Variants in EVA1A observed in about 807,000 individuals in gnomAD.
EVA1A encodes the protein eva-1 homolog A, regulator of programmed cell death, also known as protein eva-1 homolog A.
A neutral mutation model predicts 9.8 loss-of-function variants in EVA1A; 7 were observed. That is an observed-to-expected ratio of 0.71 (90% CI 0.41 to 1.34). The LOEUF is 1.34. Among genes scored for constraint, EVA1A ranks in the 40% most tolerant of loss-of-function variants. The pLI, the probability that EVA1A is intolerant of heterozygous loss-of-function variation, is 0.01. For missense variants in EVA1A, 206 were observed against 205.9 expected, an observed-to-expected ratio of 1.00 and a Z score of 0.00; for synonymous variants, 90 against 85.6, an observed-to-expected ratio of 1.05 and a Z score of -0.28.
intron 3 of EVA1A, among the ~76,000 whole-genome samples, chr2:75,511,165 T>G (rs777314866): frequency 6.6e-6 from 1 of 152,248 alleles, no homozygotes; most frequent in Non-Finnish European, 1.5e-5. Context: ...AAAACACTGC[T>G]GCAGGGGCTT....
At chr2:75,519,906 T>C (rs991561372) in intron 2 of EVA1A, among the ~76,000 whole-genome samples, 4 of 152,216 alleles carry the variant, frequency 2.6e-5, no homozygotes, top group South Asian at 2.1e-4. Context: ...GTCTTTCTGA[T>C]GATACCTCCT....
At chr2:75,569,243 A>C (rs979536427) in intron 1 of EVA1A, among the ~76,000 whole-genome samples, 6 of 152,104 alleles carry the variant, frequency 3.9e-5, no homozygotes, top group African/African-American at 1.4e-4. Context: ...AACTTCTCAA[A>C]TAAATGGTAT....
intron 3 of EVA1A, among the ~76,000 whole-genome samples, chr2:75,505,056 C>T (rs1249669466): frequency 6.6e-6 from 1 of 152,198 alleles, no homozygotes; most frequent in Non-Finnish European, 1.5e-5. Context: ...CCTCCCAATC[C>T]ACTGGCTCAC....
chr2:75,557,061 C>T (rs962290123), intron 1 of EVA1A, among the ~76,000 whole-genome samples: 5 of 152,186 alleles, frequency 3.3e-5, no homozygotes, highest in Admixed American at 6.5e-5. Context: ...CAAGGCTTTA[C>T]ACATGCCAGG....
intron 1 of EVA1A, among the ~76,000 whole-genome samples, chr2:75,538,803 A>G (rs916302018): frequency 6.6e-6 from 1 of 152,256 alleles, no homozygotes; most frequent in African/African-American, 2.4e-5. Context: ...AATTATAGAA[A>G]TAGGGAATAA....
chr2:75,545,596 G>A (rs1012543909), intron 1 of EVA1A, among the ~76,000 whole-genome samples: 6 of 152,114 alleles, frequency 3.9e-5, no homozygotes, highest in Non-Finnish European at 7.4e-5. Context: ...TTCTGGACTT[G>A]TGGTAGAGAA....
intron 1 of EVA1A, among the ~76,000 whole-genome samples, chr2:75,556,625 T>C (rs1428336105): frequency 1.3e-5 from 2 of 152,220 alleles, no homozygotes; most frequent in Non-Finnish European, 2.9e-5. Context: ...AGTACGAGTC[T>C]GGTGTGGGAA....
chr2:75,544,900 T>C (rs997458377), intron 1 of EVA1A, among the ~76,000 whole-genome samples: 17 of 152,368 alleles, frequency 1.1e-4, no homozygotes, highest in African/African-American at 4.1e-4. Context: ...AATATCTAGC[T>C]GTTGCATGTT....
chr2:75,537,680 T>G (rs1290763673), intron 1 of EVA1A, among the ~76,000 whole-genome samples: 1 of 152,230 alleles, frequency 6.6e-6, no homozygotes, highest in South Asian at 2.1e-4. Context: ...GTTTGGGTCA[T>G]GGAGATGGAT....
intron 2 of EVA1A, among the ~76,000 whole-genome samples, chr2:75,521,654 G>A (rs1675232489): frequency 6.6e-6 from 1 of 152,208 alleles, no homozygotes; most frequent in Admixed American, 6.5e-5. Flanking sequence ...GCGGTTGTCA[G>A]GAACAGGAGC....
chr2:75,523,823 A>G (rs1032194245), intron 1 of EVA1A, among the ~76,000 whole-genome samples: 7 of 152,218 alleles, frequency 4.6e-5, no homozygotes, highest in Non-Finnish European at 1.0e-4. Flanking sequence ...AATGACTCAC[A>G]CTGAGAAATC....
At chr2:75,566,433 C>T (rs937519961) in intron 1 of EVA1A, among the ~76,000 whole-genome samples, 5 of 152,194 alleles carry the variant, frequency 3.3e-5, no homozygotes, top group South Asian at 2.1e-4. Flanking sequence ...ACACGTCAGT[C>T]GTTCAAAAGA....
intron 1 of EVA1A, among the ~76,000 whole-genome samples, chr2:75,536,526 G>GA (rs1273791407): frequency 4.6e-5 from 7 of 151,442 alleles, no homozygotes; most frequent in South Asian, 2.1e-4. Flanking sequence ...GAGGGTCTTT[G>GA]AAAAAAAATC....
chr2:75,561,493 G>T, upstream of EVA1A, among the ~76,000 whole-genome samples: 1 of 151,750 alleles, frequency 6.6e-6, no homozygotes, highest in East Asian at 1.9e-4. Context: ...CTCTTTCAGG[G>T]TTGGGGTTTT....
intron 3 of EVA1A, among the ~76,000 whole-genome samples, chr2:75,508,014 A>C (rs1025158769): frequency 6.6e-6 from 1 of 152,340 alleles, no homozygotes; most frequent in African/African-American, 2.4e-5. Flanking sequence ...ATCTCTAAAC[A>C]TAAATTGTGA....
In EVA1A at chr2:75,542,694, G is replaced by A. The variant is rs192359782; in HGVS notation, c.-192+17986C>T. ...TGCCACTCTTTCGCACTGAGTAAAAGTATGTGCATTTCATATGTTTCCATT... is the reference window on the plus strand; with the variant it reads ...TGCCACTCTTTCGCACTGAGTAAAAATATGTGCATTTCATATGTTTCCATT... On this transcript the variant is annotated intron_variant, in intron 1 of 3. Coordinates refer to ENST00000393913, the MANE Select transcript of EVA1A (RefSeq NM_001135032.2). The A allele has an allele frequency of 3.3e-5, 5 of 152,372 alleles. No homozygotes were observed. In the East Asian group the frequency reaches 7.7e-4, roughly 24 times the overall value. 9.4% of individuals were successfully genotyped at this position (152,372 alleles called of 1,614,324 possible).
intron 1 of EVA1A, among the ~76,000 whole-genome samples, chr2:75,560,451 G>A (rs1481802192): frequency 6.6e-6 from 1 of 152,226 alleles, no homozygotes; most frequent in South Asian, 2.1e-4. Context: ...GGCGAGAGAA[G>A]AAACAGGAAA....
At chr2:75,517,031 T>C (rs1261380303) in intron 3 of EVA1A, among the ~76,000 whole-genome samples, 1 of 152,124 alleles carries the variant, frequency 6.6e-6, no homozygotes, top group Non-Finnish European at 1.5e-5. Context: ...ACAAGCAGAC[T>C]ACATGCTGCA....
At chr2:75,531,143 C>G (rs920584476) in intron 1 of EVA1A, among the ~76,000 whole-genome samples, 3 of 152,134 alleles carry the variant, frequency 2.0e-5, no homozygotes, top group African/African-American at 7.2e-5. Context: ...AACTCAGTCA[C>G]CTTTACAATA....
Sources: gnomAD v4.1 joint callset for allele counts (sites outside exome capture counted in the v4.1 genomes callset) on GRCh38, gnomAD v4.1.1 for gene constraint, MANE v1.5 for transcripts, NCBI Gene and HGNC (gene_info 2026-07-23, HGNC 2026-07-21) for gene names.